Variants in OR51B5 observed in about 807,000 individuals in gnomAD.
OR51B5 encodes the protein olfactory receptor 51B5.
For synonymous variants in OR51B5, 186 were observed against 144.8 expected, an observed-to-expected ratio of 1.28 and a Z score of -2.04; for missense variants, 456 against 374.6, an observed-to-expected ratio of 1.22 and a Z score of -1.79.
chr11:5,418,268 G>T (rs576889916), intron 1 of OR51B5, among the ~76,000 whole-genome samples: 1 of 152,134 alleles, frequency 6.6e-6, no homozygotes, highest in South Asian at 2.1e-4. Context: ...GGTGCGGGGA[G>T]GGGGTAGGGA....
intron 1 of OR51B5, among the ~76,000 whole-genome samples, chr11:5,361,997 ATAGAT>A (rs1159873649): frequency 6.6e-6 from 1 of 152,222 alleles, no homozygotes; most frequent in African/African-American, 2.4e-5. Context: ...AACTTACCAA[ATAGAT>A]TAGTGTCAGA....
intron 1 of OR51B5, among the ~76,000 whole-genome samples, chr11:5,484,225 C>T (rs1442597549): frequency 1.3e-5 from 2 of 152,158 alleles, no homozygotes; most frequent in Admixed American, 6.5e-5. Context: ...GGGACCCAGA[C>T]ACAGGATCCT....
chr11:5,342,798 T>C (rs1848917523), exon 1 of OR51B5: 5 of 1,613,516 alleles, frequency 3.1e-6, no homozygotes, highest in African/African-American at 1.3e-5. Flanking sequence ...ACACAGCAGA[T>C]ATGGGAGACA....
upstream of OR51B5, chr11:5,345,737 C>T (rs1848979995): frequency 6.6e-6 from 1 of 152,074 alleles, no homozygotes; most frequent in African/African-American, 2.4e-5. Context: ...TAAGGCACTA[C>T]CCTAAAGATG....
intron 1 of OR51B5, among the ~76,000 whole-genome samples, chr11:5,495,976 T>C (rs1467364764): frequency 6.6e-6 from 1 of 152,166 alleles, no homozygotes; most frequent in Non-Finnish European, 1.5e-5. Flanking sequence ...TCCTGATACC[T>C]TAACCTCTCC....
intron 1 of OR51B5, among the ~76,000 whole-genome samples, chr11:5,459,506 G>A (rs992504544): frequency 1.5e-5 from 2 of 133,912 alleles, no homozygotes; most frequent in Admixed American, 6.9e-5. Context: ...ATGCTTTGCA[G>A]ATATTTTCTT....
At chr11:5,381,116 A>G (rs1173354312) in intron 1 of OR51B5, among the ~76,000 whole-genome samples, 1 of 105,252 alleles carries the variant, frequency 9.5e-6, no homozygotes, top group East Asian at 2.8e-4. Flanking sequence ...CCACCCCACC[A>G]TACCCCCACC....
intron 1 of OR51B5, among the ~76,000 whole-genome samples, chr11:5,393,673 G>A (rs563299794): frequency 2.0e-5 from 3 of 152,246 alleles, no homozygotes; most frequent in Admixed American, 6.5e-5. Flanking sequence ...GGTAGAGAGG[G>A]CTGAGTACTT....
At chr11:5,381,803 A>G (rs12364011) in intron 1 of OR51B5, among the ~76,000 whole-genome samples, 19,379 of 152,264 alleles carry the variant, frequency 0.13, 1,350 homozygotes, top group South Asian at 0.16. Flanking sequence ...AAATAAATCT[A>G]TTGCTTGGAA....
intron 1 of OR51B5, among the ~76,000 whole-genome samples, chr11:5,499,379 T>C (rs1851689768): frequency 6.9e-6 from 1 of 144,966 alleles, no homozygotes; most frequent in Non-Finnish European, 1.5e-5. Flanking sequence ...TGTTTCTGTC[T>C]GCACAGTAGA....
intron 1 of OR51B5, among the ~76,000 whole-genome samples, chr11:5,396,539 C>G (rs1383303266): frequency 2.2e-5 from 1 of 45,382 alleles, no homozygotes; most frequent in East Asian, 2.7e-4. Context: ...CTACAAACCA[C>G]TGCTCAAGGA....
At chr11:5,362,982 A>G (rs1199292850) in intron 1 of OR51B5, 3 of 152,102 alleles carry the variant, frequency 2.0e-5, no homozygotes, top group Non-Finnish European at 2.9e-5. Context: ...AAAAAAAAAG[A>G]AATAATAGAA....
chr11:5,489,373 T>A, intron 1 of OR51B5: 1 of 1,613,990 alleles, frequency 6.2e-7, no homozygotes, highest in Non-Finnish European at 8.5e-7. Context: ...TTCCTATGGC[T>A]TTATCCTCCA....
chr11:5,486,954 C>G (rs1168343001), intron 1 of OR51B5, among the ~76,000 whole-genome samples: 1 of 151,950 alleles, frequency 6.6e-6, no homozygotes, highest in Non-Finnish European at 1.5e-5. Flanking sequence ...CCTAATTCCA[C>G]CTCTTTGGAG....
At chr11:5,346,091 T>C (rs1848986154), upstream of OR51B5, among the ~76,000 whole-genome samples, 1 of 152,166 alleles carries the variant, frequency 6.6e-6, no homozygotes, top group Non-Finnish European at 1.5e-5. Flanking sequence ...TCTTTCACTG[T>C]ATCTCAACTT....
chr11:5,440,750 C>T (rs201306181), intron 1 of OR51B5: 6 of 1,613,932 alleles, frequency 3.7e-6, no homozygotes. Flanking sequence ...CAATTATGGG[C>T]ACATAAAAGG....
intron 1 of OR51B5, among the ~76,000 whole-genome samples, chr11:5,504,058 C>G (rs560807548): frequency 9.9e-4 from 150 of 152,216 alleles, no homozygotes; most frequent in Non-Finnish European, 1.8e-4. Flanking sequence ...AAGCTTGGAA[C>G]AGAGCCTGAC....
intron 1 of OR51B5, among the ~76,000 whole-genome samples, chr11:5,475,940 G>C (rs1851299530): frequency 6.6e-6 from 1 of 152,168 alleles, no homozygotes. Flanking sequence ...CAGCCTCACA[G>C]TACCATCTTG....
At chr11:5,462,358 T>C (rs899734756) in intron 1 of OR51B5, among the ~76,000 whole-genome samples, 1 of 152,204 alleles carries the variant, frequency 6.6e-6, no homozygotes, top group Admixed American at 6.5e-5. Flanking sequence ...TTAATTTCTG[T>C]GTGAACTCAG....
Sources: gnomAD v4.1 joint callset for allele counts (sites outside exome capture counted in the v4.1 genomes callset) on GRCh38, gnomAD v4.1.1 for gene constraint, MANE v1.5 for transcripts, NCBI Gene and HGNC (gene_info 2026-07-23, HGNC 2026-07-21) for gene names.